Variants in DNAH12 observed in about 807,000 individuals in gnomAD.
DNAH12 encodes the protein axonemal beta dynein heavy chain 12.
A neutral mutation model predicts 371.5 loss-of-function variants in DNAH12; 285 were observed. That is an observed-to-expected ratio of 0.77 (90% CI 0.70 to 0.85). The LOEUF (loss-of-function observed/expected upper bound fraction) is 0.85, where lower values mean the gene tolerates loss of function less well. DNAH12 is among the 40% of genes least tolerant of loss of function. The probability of loss-of-function intolerance (pLI) is 0.00; values close to 1 mark genes in which losing one functional copy is unlikely to be tolerated. For missense variants in DNAH12, 3,611 were observed against 3,689.4 expected (o/e 0.98, Z 0.55); for synonymous variants, 1,200 against 1,213.0 (o/e 0.99, Z 0.22).
Position 57,405,857 on chromosome 3 carries a change from A to G in DNAH12, c.6372T>C (p.Cys2124=). 3.2e-6 allele frequency: 5 copies of G among 1,551,698 alleles called. No individual in the cohort carries two copies. Among genetic ancestry groups the G allele is most frequent in the Non-Finnish European group, 4.4e-6 (5 of 1,146,978 alleles). Residue 2124 remains cysteine, a synonymous_variant, in exon 41 of 74, where the codon TGT becomes TGC. Transcript: ENST00000495027. ...LRDFSRVIRG[C]LLIERDAVAN... is the part of the protein sequence containing the mutation. Reference sequence around the variant, plus strand: ...CCACGGCGTCTCTTTCAATGAGTAAACAGCCCCGGATGACGCGTGAAAAAT... The same window carrying G: ...CCACGGCGTCTCTTTCAATGAGTAAGCAGCCCCGGATGACGCGTGAAAAAT...
chr3:57,433,412 A>G lies in DNAH12; in HGVS notation c.4935T>C (p.Thr1645=), dbSNP rs533195967. The G allele has an allele frequency of 1.3e-6, 2 of 1,551,470 alleles. No homozygotes were observed. Among genetic ancestry groups the G allele is most frequent in the African/African-American group, 2.7e-5 (2 of 73,150 alleles). Residue 1645 remains threonine, a synonymous_variant, in exon 32 of 74, where the codon ACT becomes ACC. Coordinates refer to ENST00000495027, the MANE Select transcript of DNAH12 (RefSeq NM_001366028.2). The part of the protein sequence containing the change: ...KWVVFDGPID[T]LWIESMNTVL... ...CTGTGTTCATGCTCTCTATCCACAA[A>G]GTGTCAATAGGACCATCAAATACAA... is the stretch of plus-strand genomic sequence containing the variant.
At chr3:57,538,426 G>C (rs910983047) in intron 2 of DNAH12, among the ~76,000 whole-genome samples, 1 of 142,354 alleles carries the variant, frequency 7.0e-6, no homozygotes, top group Non-Finnish European at 1.6e-5. Flanking sequence ...TAAAGGCAAG[G>C]TTCTTCCCTA....
At chr3:57,553,874 G>A in the DNAH12 span, among the ~76,000 whole-genome samples, 1 of 150,104 alleles carries the variant, frequency 6.7e-6, no homozygotes, top group African/African-American at 2.5e-5. Flanking sequence ...TCCCAAGCTG[G>A]AGGGCAGTGG....
chr3:57,297,227 A>G, intron 70 of DNAH12: 1 of 490,320 alleles, frequency 2.0e-6, no homozygotes, highest in Non-Finnish European at 3.6e-6. Flanking sequence ...GAAGAGTCAA[A>G]TCTTCTGCAA....
intron 59 of DNAH12, among the ~76,000 whole-genome samples, chr3:57,352,684 A>G (rs986530333): frequency 2.0e-5 from 3 of 152,136 alleles, no homozygotes; most frequent in African/African-American, 7.2e-5. Flanking sequence ...TTAAATCTCT[A>G]TTAGTGTAAG....
rs114394937 is a variant in DNAH12, at chr3:57,483,146, C to G, written c.1650+230G>C. Among the ~76,000 whole-genome samples the G allele has an allele frequency of 9.6e-3, 1,391 of 144,168 alleles. 26 individuals carry two copies. Among genetic ancestry groups the G allele is most frequent in the African/African-American group, 0.033 (1,295 of 39,206 alleles). The allele number at this position is 144,168 out of a possible 152,430, so 94.6% of individuals were successfully genotyped here. ...TCCAAGCTAAAATTACTGTAAAAATCAACTGGAAACCTCTAGAAGAGGACA... is the reference window on the plus strand; with the variant it reads ...TCCAAGCTAAAATTACTGTAAAAATGAACTGGAAACCTCTAGAAGAGGACA... On this transcript the variant is annotated intron_variant, in intron 13 of 73. Coordinates refer to ENST00000495027, the MANE Select transcript of DNAH12 (RefSeq NM_001366028.2).
At chr3:57,457,065 A>G (rs113285950) in intron 22 of DNAH12, among the ~76,000 whole-genome samples, 2 of 152,154 alleles carry the variant, frequency 1.3e-5, no homozygotes, top group African/African-American at 4.8e-5. Context: ...AGCCCAAATC[A>G]TCTTTCATCT....
intron 60 of DNAH12, among the ~76,000 whole-genome samples, chr3:57,350,052 G>C (rs908852637): frequency 6.6e-6 from 1 of 152,130 alleles, no homozygotes; most frequent in Non-Finnish European, 1.5e-5. Flanking sequence ...AGCAAACTTC[G>C]TATGTTCTCA....
chr3:57,384,970 T>C lies in DNAH12; in HGVS notation c.7719A>G (p.Lys2573=), dbSNP rs1248550331. 6.6e-6 allele frequency: 1 copy of C among 152,200 alleles called. No homozygotes were observed. 9.4% of individuals were successfully genotyped at this position (152,200 alleles called of 1,614,324 possible). A position where few individuals can be genotyped will look rare whatever the true frequency, so the allele number is the denominator to read the frequency against. The change falls in exon 49 of 74, where the codon AAA becomes AAG. Residue 2573 remains lysine (K), a synonymous_variant. Transcript: ENST00000495027. ...IEIESVQVEA[K]RQFVKLDEEI... ...CTTCATCCAATTTCACAAATTGTCT[T>C]TTCGCTTCCACTTGTACAGACTCTA... is the stretch of plus-strand genomic sequence containing the variant.
chr3:57,310,911 T>C lies in DNAH12; in HGVS notation c.10702A>G (p.Ile3568Val), dbSNP rs543295527. ...TTACACTCCCCAGTCAGGTAAGATA[T>C]AGCTTCAAATGGAATTGTATCATAT... ...NEYDTIPFEAISYLTGECNYG... is the reference protein window; with the variant it reads ...NEYDTIPFEAVSYLTGECNYG... The change falls in exon 67 of 74, where the codon ATA becomes GTA. Residue 3568 changes from isoleucine to valine, a missense_variant. This residue lies in a region of DNAH12 where 2,266 missense variants were observed against 2,236.9 expected (regional missense o/e 1.01). Coordinates refer to ENST00000495027, the MANE Select transcript of DNAH12 (RefSeq NM_001366028.2). 1.9e-5 allele frequency: 30 copies of C among 1,551,508 alleles called. No homozygotes were observed. The African/African-American group carries it at 3.3e-4, about 17-fold the overall frequency.
At chr3:57,419,250 C>T (rs549249415) in intron 37 of DNAH12, 117 bp downstream of exon 37, 2 of 1,025,574 alleles carry the variant, frequency 2.0e-6, no homozygotes, top group African/African-American at 3.4e-5. Context: ...GCCAACAAGT[C>T]CCCCAGGATT....
rs1559562865 is a variant in DNAH12 at position 57,334,624 on chromosome 3, CTTAAGAATTATTCTTT to C, written c.9834-31_9834-16del. 3.3e-6 allele frequency: 5 copies of C among 1,527,982 alleles called. No homozygotes were observed. The highest frequency in any genetic ancestry group is 4.4e-6 in the Non-Finnish European group (5 of 1,141,190). 94.7% of individuals were successfully genotyped at this position (1,527,982 alleles called of 1,614,324 possible). A position where few individuals can be genotyped will look rare whatever the true frequency, so the allele number is the denominator to read the frequency against. The stretch of plus-strand genomic sequence containing the variant: ...AAAAATGTTGCCTAATAGAAAAAAG[CTTAAGAATTATTCTTT>C]TTATTGGGAAAAACTTAAAAGAGAT... On this transcript the variant is annotated splice_polypyrimidine_tract_variant and intron_variant, in intron 61 of 73. Coordinates refer to ENST00000495027, the MANE Select transcript of DNAH12 (RefSeq NM_001366028.2).
chr3:57,344,385 T>G (rs532478566), intron 60 of DNAH12, among the ~76,000 whole-genome samples: 9 of 152,130 alleles, frequency 5.9e-5, no homozygotes, highest in African/African-American at 2.2e-4. Flanking sequence ...AGTATGGAGG[T>G]TCCTCAAAAA....
chr3:57,457,710 A>G lies in DNAH12; in HGVS notation c.3336+11T>C, dbSNP rs1180630073. 6.5e-7 allele frequency: 1 copy of G among 1,545,428 alleles called. No individual in the cohort carries two copies. Among genetic ancestry groups the G allele is most frequent in the East Asian group, 2.5e-5 (1 of 40,756 alleles). On this transcript the variant is annotated intron_variant, in intron 22 of 73. Coordinates refer to ENST00000495027, the MANE Select transcript of DNAH12 (RefSeq NM_001366028.2). ...GAATATAGGGTATATATCAAATCCTAGGAAACACACCAGCCTGGCTGCAGC... is the reference window on the plus strand; with the variant it reads ...GAATATAGGGTATATATCAAATCCTGGGAAACACACCAGCCTGGCTGCAGC...
intron 43 of DNAH12, 122 bp downstream of exon 43, chr3:57,403,187 A>G: frequency 6.2e-6 from 6 of 965,578 alleles, no homozygotes; most frequent in Non-Finnish European, 8.8e-6. Flanking sequence ...TGCTCTATGG[A>G]CAGTATTAGC....
intron 69 of DNAH12, among the ~76,000 whole-genome samples, chr3:57,303,326 A>G (rs1302303282): frequency 2.8e-5 from 4 of 145,362 alleles, no homozygotes; most frequent in Non-Finnish European, 6.0e-5. Context: ...GCGACAGAGC[A>G]AAGACGCCAG....
At chr3:57,468,618 A>T in intron 17 of DNAH12, 118 bp downstream of exon 17, 1 of 600,702 alleles carries the variant, frequency 1.7e-6, no homozygotes, top group Non-Finnish European at 2.4e-6. Context: ...AAAATTATTA[A>T]TAATAATAAA....
intron 58 of DNAH12, among the ~76,000 whole-genome samples, chr3:57,359,036 G>A (rs1483664909): frequency 6.6e-6 from 1 of 151,902 alleles, no homozygotes; most frequent in Non-Finnish European, 1.5e-5. Flanking sequence ...CACCTGCTTT[G>A]GCCTCCCAAA....
rs1404228837 is a variant in DNAH12 at position 57,433,481 on chromosome 3, A to C, written c.4866T>G (p.Thr1622=). 1 of 1,551,422 alleles carries C rather than the reference A, an allele frequency of 6.4e-7. No individual in the cohort carries two copies. Among genetic ancestry groups the C allele is most frequent in the Non-Finnish European group, 8.7e-7 (1 of 1,146,928 alleles). ...TTTCTGATAAGGCAAATTCTCTAAA[A>C]GTGTTAGCCACAATACCATCAGTCC... The part of the protein sequence containing the change: ...HEWTDGIVAN[T]FREFALSETP... Residue 1622 remains threonine (T), a synonymous_variant, in exon 32 of 74, where the codon ACT becomes ACG. Transcript: ENST00000495027.
Sources: gnomAD v4.1 joint callset for allele counts (sites outside exome capture counted in the v4.1 genomes callset) on GRCh38, gnomAD v4.1.1 for gene constraint, gnomAD v4.1.1 regional missense constraint, MANE v1.5 for transcripts, NCBI Gene and HGNC (gene_info 2026-07-23, HGNC 2026-07-21) for gene names.